Variants in DMD observed in about 807,000 individuals in gnomAD.
DMD encodes the protein mutant dystrophin.
In DMD, 63 loss-of-function variants were observed where a neutral mutation model predicts 330.1. The ratio of observed to expected loss-of-function variants is 0.19; its 90% confidence interval spans 0.16 to 0.24. The LOEUF (loss-of-function observed/expected upper bound fraction) is 0.24. DMD is among the 10% of genes least tolerant of loss of function. DMD has a pLI of 1.00. For missense variants in DMD, 3,344 were observed against 2,684.1 expected (o/e 1.25, Z -5.43); for synonymous variants, 1,223 against 959.8 (o/e 1.27, Z -5.07).
rs757270951 is a variant in DMD, at chrX:32,823,342, G to T, written c.310C>A (p.His104Asn). 1 of 1,209,397 alleles carries T rather than the reference G, an allele frequency of 8.3e-7. No homozygotes were observed. The highest frequency in any genetic ancestry group is 2.2e-5 in the Admixed American group (1 of 45,940). ...CAAATCAAACCAAGAGTCAGTTTAT[G>T]ATTTCCATCTACGATGTCAGTACTT... Reference protein sequence around the residue: ...IGSTDIVDGNHKLTLGLIWNI... With the variant: ...IGSTDIVDGNNKLTLGLIWNI... Residue 104 changes from histidine (H) to asparagine (N), a missense_variant, in exon 5 of 79, where the codon CAT becomes AAT. Transcript: ENST00000357033.
chrX:31,777,206 T>C (rs2090723180), intron 50 of DMD, among the ~76,000 whole-genome samples: 2 of 111,714 alleles, frequency 1.8e-5, no homozygotes, highest in Non-Finnish European at 3.8e-5. Context: ...ACACAAAACA[T>C]GCCTAGGTTT....
chrX:31,396,388 C>T (rs1190379769), intron 60 of DMD, among the ~76,000 whole-genome samples: 2 of 110,867 alleles, frequency 1.8e-5, no homozygotes, highest in African/African-American at 3.3e-5. Flanking sequence ...CCGCCCGCCT[C>T]GGCCTCCCAA....
chrX:31,378,503 CG>C (rs2148703831), intron 60 of DMD, among the ~76,000 whole-genome samples: 1 of 111,390 alleles, frequency 9.0e-6, no homozygotes, highest in East Asian at 2.8e-4. Context: ...GTCACGGACT[CG>C]GAAGAGTCTT....
chrX:32,959,111 G>A (rs2091761128), intron 2 of DMD, among the ~76,000 whole-genome samples: 1 of 111,843 alleles, frequency 8.9e-6, no homozygotes, highest in Non-Finnish European at 1.9e-5. Context: ...ATATTAGGAA[G>A]GTAATAACTT....
chrX:32,365,167 C>A lies in DMD; in HGVS notation c.4878G>T (p.Val1626=), dbSNP rs61733574. The change falls in exon 35 of 79, where the codon GTG becomes GTT. Residue 1626 remains valine, a synonymous_variant. Transcript: ENST00000357033. ...CTACCTCTGTGATACTCTTCAGGTGCACCTTCTGTTTCTCAATCTCTTTTT... is the reference window on the plus strand; with the variant it reads ...CTACCTCTGTGATACTCTTCAGGTGAACCTTCTGTTTCTCAATCTCTTTTT... ...ATQKEIEKQK[V]HLKSITEVGE... 3.9e-3 allele frequency: 4,732 copies of A among 1,208,825 alleles called. 97 individuals are homozygous for A. The African/African-American group carries it at 0.068, about 17-fold the overall frequency.
chrX:32,537,636 G>C (rs746130311), intron 17 of DMD, among the ~76,000 whole-genome samples: 5 of 111,730 alleles, frequency 4.5e-5, no homozygotes, highest in East Asian at 2.9e-4. Flanking sequence ...TTCAGTGCTC[G>C]ATGTAGAGTA....
intron 29 of DMD, among the ~76,000 whole-genome samples, chrX:32,419,989 G>T (rs1037973471): frequency 1.8e-5 from 2 of 111,631 alleles, no homozygotes; most frequent in African/African-American, 6.5e-5. Flanking sequence ...TTGGTCTTCT[G>T]CCCTGACAGG....
chrX:31,467,493 C>T (rs778494452), intron 59 of DMD, among the ~76,000 whole-genome samples: 6 of 111,859 alleles, frequency 5.4e-5, no homozygotes, highest in Non-Finnish European at 7.5e-5. Context: ...GTTGAACCAG[C>T]CTGGCATCCC....
At chrX:31,222,206 AAAAC>A (rs1182046242) in intron 64 of DMD, among the ~76,000 whole-genome samples, 14 of 104,007 alleles carry the variant, frequency 1.3e-4, no homozygotes, top group African/African-American at 3.2e-4. Flanking sequence ...AAAAAAAAAC[AAAAC>A]AAACAAACAA....
At chrX:31,683,558 G>A (rs1222531355) in intron 52 of DMD, among the ~76,000 whole-genome samples, 1 of 112,296 alleles carries the variant, frequency 8.9e-6, no homozygotes, top group African/African-American at 3.2e-5. Flanking sequence ...TCACTACAGA[G>A]AAATAAAAAG....
At chrX:32,737,152 T>TA (rs968537353) in intron 7 of DMD, among the ~76,000 whole-genome samples, 2 of 110,092 alleles carry the variant, frequency 1.8e-5, no homozygotes, top group East Asian at 2.9e-4. Flanking sequence ...GGGGGGGACA[T>TA]AAAATCTATA....
At chrX:32,156,532 A>G (rs1194510382) in intron 44 of DMD, among the ~76,000 whole-genome samples, 4 of 111,084 alleles carry the variant, frequency 3.6e-5, no homozygotes, top group Non-Finnish European at 7.5e-5. Context: ...TCCTCAGTGA[A>G]TGAATAGCAC....
intron 62 of DMD, among the ~76,000 whole-genome samples, chrX:31,320,562 C>G (rs149733612): frequency 9.0e-6 from 1 of 111,615 alleles, no homozygotes; most frequent in Non-Finnish European, 1.9e-5. Flanking sequence ...TAGACCAAGA[C>G]GGCATCTCAG....
chrX:32,782,117 A>G (rs1021781657), intron 7 of DMD, among the ~76,000 whole-genome samples: 1 of 111,674 alleles, frequency 9.0e-6, no homozygotes, highest in Non-Finnish European at 1.9e-5. Context: ...AACTTTGAAA[A>G]ATGTTCATTT....
rs73456189 is a variant in DMD, at chrX:32,164,905, G to A, written c.6438+52011C>T. On this transcript the variant is annotated intron_variant, in intron 44 of 78. Coordinates refer to ENST00000357033, the MANE Select transcript of DMD (RefSeq NM_004006.3). ...AGGTACAGTTCGGACCATTGCTTCA[G>A]AGGGAGCAAGTCCCAAGCTTTGGCA... Among the ~76,000 whole-genome samples the A allele has an allele frequency of 5.9e-3, 667 of 112,139 alleles. 9 individuals are homozygous for A. Among genetic ancestry groups the A allele is most frequent in the African/African-American group, 0.021 (633 of 30,852 alleles).
Position 32,386,471 on chromosome X carries a change from T to A in DMD, c.4519-6A>T. ...CTCAGACTTTTATACAAGTTCTAAG[T>A]TTAAACATAAAACAAAACATGATAA... On this transcript the variant is annotated splice_region_variant and splice_polypyrimidine_tract_variant and intron_variant, in intron 32 of 78. Transcript: ENST00000357033. 1 of 1,190,874 alleles carries A rather than the reference T, an allele frequency of 8.4e-7. No homozygotes were observed. Among genetic ancestry groups the A allele is most frequent in the Non-Finnish European group, 1.1e-6 (1 of 877,882 alleles).
At chrX:31,146,187 G>C in intron 76 of DMD, 104 bp downstream of exon 76, 2 of 995,541 alleles carry the variant, frequency 2.0e-6, no homozygotes, top group Non-Finnish European at 2.9e-6. Context: ...GTGGCTCCCT[G>C]ATACCAAGAT....
intron 61 of DMD, among the ~76,000 whole-genome samples, chrX:31,334,933 A>C (rs1324523389): frequency 9.0e-6 from 1 of 111,019 alleles, no homozygotes; most frequent in Admixed American, 9.6e-5. Context: ...TGTTTCCTCC[A>C]CCTGGAACAC....
chrX:31,212,182 G>A (rs895209110), intron 64 of DMD, among the ~76,000 whole-genome samples: 3 of 102,886 alleles, frequency 2.9e-5, no homozygotes, highest in African/African-American at 1.0e-4. Context: ...GTGTGTATGT[G>A]TGTGTGTGTG....
Sources: gnomAD v4.1 joint callset for allele counts (sites outside exome capture counted in the v4.1 genomes callset) on GRCh38, gnomAD v4.1.1 for gene constraint, MANE v1.5 for transcripts, NCBI Gene and HGNC (gene_info 2026-07-23, HGNC 2026-07-21) for gene names.